Variants in BTBD2 observed in about 807,000 individuals in gnomAD.
BTBD2 encodes the protein BTB/POZ domain-containing protein 2.
A neutral mutation model predicts 44.0 loss-of-function variants in BTBD2; 15 were observed. The observed-to-expected ratio is 0.34, with a 90% CI of 0.23 to 0.53. BTBD2 has a LOEUF of 0.53. Ranked by LOEUF, BTBD2 falls within the 20% of genes least tolerant of loss-of-function variation. The probability of loss-of-function intolerance (pLI) is 0.95; values close to 1 mark genes in which losing one functional copy is unlikely to be tolerated. For missense variants in BTBD2, 657 were observed against 746.4 expected, an observed-to-expected ratio of 0.88 and a Z score of 1.39; for synonymous variants, 443 against 335.9, an observed-to-expected ratio of 1.32 and a Z score of -3.49.
intron 1 of BTBD2, chr19:2,002,801 C>G (rs535933226): frequency 6.7e-6 from 1 of 150,098 alleles, no homozygotes; most frequent in Admixed American, 6.7e-5. Context: ...GGTGTGAACC[C>G]AGGAGGCGGA....
intron 1 of BTBD2, chr19:2,013,999 T>C (rs1401927535): frequency 7.7e-6 from 1 of 130,346 alleles, no homozygotes; most frequent in East Asian, 2.3e-4. Context: ...GGTTACGGAC[T>C]GAGGTGGTGA....
chr19:2,002,664 G>C (rs2016344010), intron 1 of BTBD2: 1 of 152,140 alleles, frequency 6.6e-6, no homozygotes. Context: ...ATGAGGTCAG[G>C]AGATCGAGAC....
chr19:1,998,193 C>T (rs958394994), intron 1 of BTBD2, among the ~76,000 whole-genome samples: 1 of 152,376 alleles, frequency 6.6e-6, no homozygotes, highest in African/African-American at 2.4e-5. Context: ...CACTCTCCTG[C>T]TCACGCATTC....
chr19:1,997,364 A>C lies in BTBD2; in HGVS notation c.507T>G (p.Ala169=). 1.2e-6 allele frequency: 2 copies of C among 1,613,860 alleles called. No homozygotes were observed. The highest frequency in any genetic ancestry group is 1.7e-6 in the Non-Finnish European group (2 of 1,179,966). The part of the protein sequence containing the change: ...TEIELPDVEP[A]AFLALLKFLY... ...ATTACTTGAGCAGTGCGAGGAAGGC[A>C]GCGGGTTCCACGTCGGGCAGCTCAA... is the stretch of plus-strand genomic sequence containing the variant. The change falls in exon 2 of 9, where the codon GCT becomes GCG. Residue 169 remains alanine, a synonymous_variant. Coordinates refer to ENST00000255608, the MANE Select transcript of BTBD2 (RefSeq NM_017797.4).
intron 1 of BTBD2, among the ~76,000 whole-genome samples, chr19:2,012,445 C>A (rs756837837): frequency 6.6e-6 from 1 of 152,234 alleles, no homozygotes; most frequent in Non-Finnish European, 1.5e-5. Flanking sequence ...CCCCCGCACC[C>A]GGCCCCTTAG....
rs1010235521 is a variant in BTBD2, at chr19:2,004,726, C to G, written c.408-7263G>C. The stretch of plus-strand genomic sequence containing the variant: ...AGGAGCAGTGGCTCATGCCTGTAAT[C>G]CCAGGACTTCGAGAGGCCAAGGCAG... On this transcript the variant is annotated intron_variant, in intron 1 of 8. Coordinates refer to ENST00000255608, the MANE Select transcript of BTBD2 (RefSeq NM_017797.4). 4.0e-5 allele frequency among the ~76,000 whole-genome samples: 6 copies of G among 151,428 alleles called. No homozygotes were observed. In the South Asian group the frequency reaches 1.3e-3, roughly 32 times the overall value.
chr19:1,987,327 C>G, intron 6 of BTBD2, 74 bp from the exon 7 acceptor site: 1 of 1,549,838 alleles, frequency 6.5e-7, no homozygotes, highest in South Asian at 1.1e-5. Context: ...GAGCCCACCC[C>G]CATGCCCGGT....
At chr19:2,004,844 T>C (rs2016374844) in intron 1 of BTBD2, among the ~76,000 whole-genome samples, 1 of 151,564 alleles carries the variant, frequency 6.6e-6, no homozygotes, top group South Asian at 2.1e-4. Flanking sequence ...TTTTTTTAGA[T>C]GGAGTCTTGC....
At chr19:1,990,627 C>T in intron 4 of BTBD2, 90 bp downstream of exon 4, 2 of 1,241,320 alleles carry the variant, frequency 1.6e-6, no homozygotes, top group South Asian at 2.7e-5. Flanking sequence ...CTGTGCAACT[C>T]CCCCAGGCCC....
chr19:1,999,968 C>CAAA (rs5826753), intron 1 of BTBD2, among the ~76,000 whole-genome samples: 88 of 104,868 alleles, frequency 8.4e-4, no homozygotes, highest in Middle Eastern at 5.4e-3. Context: ...GACTCCACCT[C>CAAA]AAAAAAAAAA....
At chr19:1,991,559 T>C (rs930063925) in intron 3 of BTBD2, among the ~76,000 whole-genome samples, 1 of 152,148 alleles carries the variant, frequency 6.6e-6, no homozygotes, top group African/African-American at 2.4e-5. Flanking sequence ...GGCGACCAGA[T>C]GACCCGGACA....
Position 1,986,819 on chromosome 19 carries a change from C to A in BTBD2, c.1416+11G>T. 6.3e-7 allele frequency: 1 copy of A among 1,597,538 alleles called. No individual in the cohort carries two copies. The highest frequency in any genetic ancestry group is 8.5e-7 in the Non-Finnish European group (1 of 1,171,530). On this transcript the variant is annotated intron_variant, in intron 8 of 8. Coordinates refer to ENST00000255608, the MANE Select transcript of BTBD2 (RefSeq NM_017797.4). ...ACTCCCACGGAGGGACCCCTGTCCCCGGCGGCGCACCTTGAGCGTGGCACA... is the reference window on the plus strand; with the variant it reads ...ACTCCCACGGAGGGACCCCTGTCCCAGGCGGCGCACCTTGAGCGTGGCACA...
Position 1,987,705 on chromosome 19 carries a change from G to C in BTBD2, c.989-13C>G. The stretch of plus-strand genomic sequence containing the variant: ...GACTGTGCGGGACCTGCAGCACAGG[G>C]AGGGTGTGGGGGAGGGCCGGGCTGC... On this transcript the variant is annotated splice_polypyrimidine_tract_variant and intron_variant, in intron 5 of 8. Transcript: ENST00000255608. 1.3e-6 allele frequency: 2 copies of C among 1,578,388 alleles called. No homozygotes were observed. The highest frequency in any genetic ancestry group is 1.7e-4 in the Middle Eastern group (1 of 5,916).
At chr19:1,999,717 T>C (rs984609551) in intron 1 of BTBD2, among the ~76,000 whole-genome samples, 1 of 151,262 alleles carries the variant, frequency 6.6e-6, no homozygotes, top group Non-Finnish European at 1.5e-5. Flanking sequence ...TCCCACCACT[T>C]TGGGAGGCCA....
In BTBD2 at chr19:1,993,235, A is replaced by G. The variant is rs1025508281; in HGVS notation, c.528-59T>C. On this transcript the variant is annotated intron_variant, in intron 2 of 8. Transcript: ENST00000255608. The stretch of plus-strand genomic sequence containing the variant: ...ACCGCCATGCCCGCCCCCAGGGGAG[A>G]GCGTCAGGGGACCACTCAGACCGTT... 3 of 1,547,010 alleles carry G rather than the reference A, an allele frequency of 1.9e-6. No homozygotes were observed. In the African/African-American group the frequency reaches 4.1e-5, roughly 21 times the overall value.
At position 1,986,181 on chromosome 19, in the gene BTBD2, G is replaced by A. The variant is rs183248455; in HGVS notation, c.*307C>T. ...CCGCCGGCAGACGACGTGGGCAGGC[G>A]CCCTGAGCTGCGGGTCCGTGGGCCC... On this transcript the variant is annotated 3_prime_UTR_variant, in exon 9 of 9. Transcript: ENST00000255608. 2.4e-3 allele frequency: 952 copies of A among 393,716 alleles called. 8 individuals are homozygous for A. The highest frequency in any genetic ancestry group is 0.017 in the African/African-American group (852 of 49,226). 24.4% of individuals were successfully genotyped at this position (393,716 alleles called of 1,614,324 possible). A position where few individuals can be genotyped will look rare whatever the true frequency, so the allele number is the denominator to read the frequency against.
At chr19:2,011,284 T>C (rs1028654655) in intron 1 of BTBD2, among the ~76,000 whole-genome samples, 2 of 151,958 alleles carry the variant, frequency 1.3e-5, no homozygotes, top group African/African-American at 4.8e-5. Context: ...CTGCATCCTC[T>C]ACCCCTCATT....
chr19:1,999,428 G>A (rs756663158), intron 1 of BTBD2, among the ~76,000 whole-genome samples: 5 of 152,246 alleles, frequency 3.3e-5, no homozygotes, highest in African/African-American at 1.2e-4. Flanking sequence ...GCATGTGGGA[G>A]ACCAAGGCGG....
intron 7 of BTBD2, 78 bp downstream of exon 7, chr19:1,987,088 G>A (rs1290170886): frequency 1.9e-6 from 3 of 1,595,086 alleles, no homozygotes; most frequent in Non-Finnish European, 1.7e-6. Context: ...AGGGCCGGGG[G>A]TTCAGCCAGG....
Sources: gnomAD v4.1 joint callset for allele counts (sites outside exome capture counted in the v4.1 genomes callset) on GRCh38, gnomAD v4.1.1 for gene constraint, MANE v1.5 for transcripts, NCBI Gene and HGNC (gene_info 2026-07-23, HGNC 2026-07-21) for gene names.